TOX: variants seen among roughly 807,000 people sequenced by gnomAD.
TOX encodes the protein thymocyte selection associated high mobility group box, also known as thymocyte selection-associated high mobility group box protein TOX.
In TOX, 11 loss-of-function variants were observed where a neutral mutation model predicts 53.7. The ratio of observed to expected loss-of-function variants is 0.20; its 90% confidence interval spans 0.13 to 0.34. TOX has a LOEUF of 0.34. TOX is among the 10% of genes least tolerant of loss of function. The probability of loss-of-function intolerance (pLI) is 1.00; values close to 1 mark genes in which losing one functional copy is unlikely to be tolerated. For missense variants in TOX, 570 were observed against 664.6 expected (o/e 0.86, Z 1.56); for synonymous variants, 225 against 245.3 (o/e 0.92, Z 0.77).
intron 1 of TOX, among the ~76,000 whole-genome samples, chr8:58,994,823 GGGTGGGATGC>G (rs1445200512): frequency 2.0e-5 from 3 of 152,162 alleles, no homozygotes; most frequent in Non-Finnish European, 4.4e-5. Flanking sequence ...TAACCTGACA[GGGTGGGATGC>G]GGCCTACTGC....
intron 6 of TOX, among the ~76,000 whole-genome samples, chr8:58,823,260 T>A (rs1274499279): frequency 1.3e-5 from 2 of 152,222 alleles, no homozygotes; most frequent in Non-Finnish European, 2.9e-5. Context: ...TATTACTCTG[T>A]CGCCCAGGAT....
chr8:58,998,508 T>A lies in TOX; in HGVS notation c.103-38500A>T, dbSNP rs1487097036. Reference sequence around the variant, plus strand: ...CATCTCAAAAGTATATATATATATATATATATATATATATATATATATATA... The same window carrying A: ...CATCTCAAAAGTATATATATATATAAATATATATATATATATATATATATA... On this transcript the variant is annotated intron_variant, in intron 1 of 8. Coordinates refer to ENST00000361421, the MANE Select transcript of TOX (RefSeq NM_014729.3). 4.9e-3 allele frequency among the ~76,000 whole-genome samples: 452 copies of A among 91,426 alleles called. 14 individuals are homozygous for A. Among genetic ancestry groups the A allele is most frequent in the African/African-American group, 0.021 (426 of 20,274 alleles). 60.0% of individuals were successfully genotyped at this position (91,426 alleles called of 152,430 possible).
chr8:58,926,313 T>C (rs1029505709), intron 3 of TOX, among the ~76,000 whole-genome samples: 2 of 152,132 alleles, frequency 1.3e-5, no homozygotes, highest in Admixed American at 6.5e-5. Flanking sequence ...GTCCTCACTC[T>C]GGGGTTTATC....
intron 1 of TOX, among the ~76,000 whole-genome samples, chr8:59,046,876 A>G (rs1585985385): frequency 6.7e-6 from 1 of 150,300 alleles, no homozygotes; most frequent in East Asian, 1.9e-4. Flanking sequence ...AAAAAAAAAA[A>G]AAAAAAAGAA....
At chr8:59,105,629 A>C (rs1023829921) in intron 1 of TOX, among the ~76,000 whole-genome samples, 2 of 152,146 alleles carry the variant, frequency 1.3e-5, no homozygotes, top group African/African-American at 2.4e-5. Flanking sequence ...GCCTAGAACA[A>C]AGTTATAAGT....
intron 1 of TOX, among the ~76,000 whole-genome samples, chr8:59,051,041 T>C (rs1803779109): frequency 6.6e-6 from 1 of 152,080 alleles, no homozygotes; most frequent in Admixed American, 6.5e-5. Context: ...CATAAAAATA[T>C]CAGCTGAGCT....
chr8:58,926,525 G>T (rs1050640231), intron 3 of TOX, among the ~76,000 whole-genome samples: 2 of 152,202 alleles, frequency 1.3e-5, no homozygotes, highest in Non-Finnish European at 2.9e-5. Context: ...GCAGTTTTGA[G>T]AGGGGACAAA....
At chr8:58,977,806 A>G (rs1813130847) in intron 1 of TOX, among the ~76,000 whole-genome samples, 1 of 152,234 alleles carries the variant, frequency 6.6e-6, no homozygotes, top group Admixed American at 6.5e-5. Context: ...ATTGTCTTAT[A>G]TAGGTGCAGT....
chr8:59,034,207 A>G (rs1814413316), intron 1 of TOX, among the ~76,000 whole-genome samples: 4 of 152,248 alleles, frequency 2.6e-5, no homozygotes, highest in Admixed American at 2.0e-4. Context: ...GTTTAAAGAT[A>G]GAACAGCTGC....
chr8:59,089,934 G>A (rs918427888), intron 1 of TOX, among the ~76,000 whole-genome samples: 1 of 152,196 alleles, frequency 6.6e-6, no homozygotes, highest in Non-Finnish European at 1.5e-5. Context: ...AGGAACTTAA[G>A]GCTTTATGGC....
At chr8:58,808,890 C>T (rs185619691) in intron 7 of TOX, among the ~76,000 whole-genome samples, 4 of 152,198 alleles carry the variant, frequency 2.6e-5, no homozygotes, top group East Asian at 1.9e-4. Context: ...TTGGAAAACA[C>T]GGGGAGGGAA....
chr8:58,832,537 T>C (rs1484628221), intron 5 of TOX, among the ~76,000 whole-genome samples: 2 of 152,152 alleles, frequency 1.3e-5, no homozygotes, highest in African/African-American at 2.4e-5. Flanking sequence ...AACAGCATTA[T>C]GTAGTGGGTG....
In TOX at chr8:58,880,523, G is replaced by A. The variant is rs540987932; in HGVS notation, c.412-28718C>T. On this transcript the variant is annotated intron_variant, in intron 3 of 8. Transcript: ENST00000361421. ...TAATCATGAGAGACCAGAGTGGCGG[G>A]CAGCTGAGTATCCTCTTAGGGGATA... 1.4e-3 allele frequency among the ~76,000 whole-genome samples: 218 copies of A among 152,272 alleles called. 1 individual carries two copies. Among genetic ancestry groups the A allele is most frequent in the South Asian group, 5.8e-3 (28 of 4,828 alleles).
intron 4 of TOX, among the ~76,000 whole-genome samples, chr8:58,847,663 G>A (rs1810740444): frequency 6.6e-6 from 1 of 152,004 alleles, no homozygotes; most frequent in South Asian, 2.1e-4. Context: ...AGACAGAAAT[G>A]ATTACAATCG....
chr8:58,977,359 G>A (rs1813120742), intron 1 of TOX, among the ~76,000 whole-genome samples: 1 of 152,190 alleles, frequency 6.6e-6, no homozygotes, highest in Non-Finnish European at 1.5e-5. Flanking sequence ...GTAAGGCCTT[G>A]CTCTGGATTA....
At chr8:59,094,717 T>C (rs998839608) in intron 1 of TOX, among the ~76,000 whole-genome samples, 22 of 152,346 alleles carry the variant, frequency 1.4e-4, no homozygotes, top group African/African-American at 4.1e-4. Flanking sequence ...GCCCAGAGTT[T>C]GGAAGCAAAC....
At position 58,851,238 on chromosome 8, in the gene TOX, G is replaced by A. The variant is rs6992462; in HGVS notation, c.693+286C>T. On this transcript the variant is annotated intron_variant, in intron 4 of 8. Coordinates refer to ENST00000361421, the MANE Select transcript of TOX (RefSeq NM_014729.3). The surrounding 1 kb of genome is among the most constrained non-coding windows in gnomAD (Gnocchi z 4.4). ...GACCTTCATTGTACCCCAGTATACTGCCTTCTTAAAATGGTACATTGAATA... is the reference window on the plus strand; with the variant it reads ...GACCTTCATTGTACCCCAGTATACTACCTTCTTAAAATGGTACATTGAATA... Among the ~76,000 whole-genome samples, 14,624 of 148,074 alleles carry A rather than the reference G, an allele frequency of 0.099. 1,602 individuals carry two copies. Among genetic ancestry groups the A allele is most frequent in the African/African-American group, 0.26 (10,367 of 40,302 alleles).
At chr8:59,060,390 G>A (rs1803961149) in intron 1 of TOX, among the ~76,000 whole-genome samples, 1 of 152,212 alleles carries the variant, frequency 6.6e-6, no homozygotes, top group African/African-American at 2.4e-5. Context: ...CACTTTGGGA[G>A]GCCAAGGCGG....
At chr8:58,850,796 G>A (rs565270007) in intron 4 of TOX, among the ~76,000 whole-genome samples, 4 of 152,290 alleles carry the variant, frequency 2.6e-5, no homozygotes, top group South Asian at 2.1e-4. Context: ...AAAATTTAGC[G>A]AAGCTACTAG....
Sources: gnomAD v4.1 joint callset for allele counts (sites outside exome capture counted in the v4.1 genomes callset) on GRCh38, gnomAD v4.1.1 for gene constraint, Gnocchi (gnomAD v3.1) non-coding constraint, MANE v1.5 for transcripts, NCBI Gene and HGNC (gene_info 2026-07-23, HGNC 2026-07-21) for gene names.